Variants in BRD3 observed in about 807,000 individuals in gnomAD.
BRD3 encodes bromodomain-containing protein 3.
In BRD3, 17 loss-of-function variants were observed where a neutral mutation model predicts 66.8. The observed-to-expected ratio is 0.25, with a 90% CI of 0.17 to 0.38. The LOEUF (loss-of-function observed/expected upper bound fraction) is 0.38, where lower values mean the gene tolerates loss of function less well. Among genes scored for constraint, BRD3 ranks in the 10% least tolerant of loss-of-function variants. BRD3 has a pLI of 1.00. For missense variants in BRD3, 713 were observed against 956.1 expected, an observed-to-expected ratio of 0.75 and a Z score of 3.35; for synonymous variants, 421 against 393.2, an observed-to-expected ratio of 1.07 and a Z score of -0.84.
At chr9:134,041,045 G>A (rs2132396227) in intron 8 of BRD3, among the ~76,000 whole-genome samples, 1 of 152,306 alleles carries the variant, frequency 6.6e-6, no homozygotes, top group Non-Finnish European at 1.5e-5. Context: ...CCTGCTGTGT[G>A]TCCTTGCCAC....
rs777755860 is a variant in BRD3, at chr9:134,051,880, GTTT to G, written c.352-174_352-172del. ...GTGTGTGTGTGTGTGTGTGTGTGTT[GTTT>G]TTTTTGTTTTTTTTTTTTTTTTTTT... On this transcript the variant is annotated intron_variant, in intron 3 of 11. Coordinates refer to ENST00000303407, the MANE Select transcript of BRD3 (RefSeq NM_007371.4). Among the ~76,000 whole-genome samples, 23 of 113,662 alleles carry G rather than the reference GTTT, an allele frequency of 2.0e-4. 1 individual carries two copies. Among genetic ancestry groups the G allele is most frequent in the Non-Finnish European group, 2.8e-4 (16 of 56,386 alleles). 74.6% of individuals were successfully genotyped at this position (113,662 alleles called of 152,430 possible).
intron 6 of BRD3, 48 bp downstream of exon 6, chr9:134,048,035 A>C: frequency 6.7e-7 from 1 of 1,501,054 alleles, no homozygotes; most frequent in Non-Finnish European, 8.9e-7. Flanking sequence ...CACCCACGGC[A>C]GAGCCGCAGG....
chr9:134,059,057 GT>G (rs1564559945), intron 1 of BRD3, among the ~76,000 whole-genome samples: 1 of 152,240 alleles, frequency 6.6e-6, no homozygotes, highest in African/African-American at 2.4e-5. Flanking sequence ...GTATGGTGGC[GT>G]TGTGGTTACA....
rs776617780 is a variant in BRD3, at chr9:134,048,045, G to A, written c.1086+38C>T. The A allele has an allele frequency of 2.0e-6, 3 of 1,519,812 alleles. No homozygotes were observed. The South Asian group carries it at 3.9e-5, about 20-fold the overall frequency. 94.1% of individuals were successfully genotyped at this position (1,519,812 alleles called of 1,614,324 possible). A position where few individuals can be genotyped will look rare whatever the true frequency, so the allele number is the denominator to read the frequency against. On this transcript the variant is annotated intron_variant, in intron 6 of 11. Coordinates refer to ENST00000303407, the MANE Select transcript of BRD3 (RefSeq NM_007371.4). ...ATCAGCACCCACGGCAGAGCCGCAG[G>A]ACATGGGCAGAGCAGGGCCTGCCGC...
chr9:134,046,262 TG>T (rs1222180436), intron 6 of BRD3, among the ~76,000 whole-genome samples: 1 of 152,162 alleles, frequency 6.6e-6, no homozygotes, highest in Non-Finnish European at 1.5e-5. Flanking sequence ...AGGTGGCCAC[TG>T]GGAACACACT....
At position 134,051,863 on chromosome 9, in the gene BRD3, G is replaced by A. The variant is rs1191269422; in HGVS notation, c.352-154C>T. The stretch of plus-strand genomic sequence containing the variant: ...AATGAATATATGTGTGTGTGTGTGT[G>A]TGTGTGTGTGTGTGTTGTTTTTTTT... On this transcript the variant is annotated intron_variant, in intron 3 of 11. Transcript: ENST00000303407. 3.0e-3 allele frequency among the ~76,000 whole-genome samples: 338 copies of A among 112,860 alleles called. 10 individuals carry two copies. Among genetic ancestry groups the A allele is most frequent in the Middle Eastern group, 0.018 (4 of 224 alleles). 74.0% of individuals were successfully genotyped at this position (112,860 alleles called of 152,430 possible). A position where few individuals can be genotyped will look rare whatever the true frequency, so the allele number is the denominator to read the frequency against.
intron 1 of BRD3, among the ~76,000 whole-genome samples, chr9:134,065,369 G>A (rs1448700225): frequency 2.6e-5 from 4 of 151,944 alleles, no homozygotes; most frequent in African/African-American, 9.7e-5. Context: ...GGTTACAGTG[G>A]GCTGAGATCG....
At chr9:134,051,226 C>T (rs1830287034) in intron 4 of BRD3, among the ~76,000 whole-genome samples, 1 of 152,214 alleles carries the variant, frequency 6.6e-6, no homozygotes, top group Non-Finnish European at 1.5e-5. Context: ...GAACAGGCCC[C>T]ACGCGTCGTG....
In BRD3 at chr9:134,050,544, G is replaced by A; in HGVS notation, c.544C>T (p.Pro182Ser). The A allele has an allele frequency of 6.2e-7, 1 of 1,604,986 alleles. No individual in the cohort carries two copies. Among genetic ancestry groups the A allele is most frequent in the Non-Finnish European group, 8.5e-7 (1 of 1,176,706 alleles). Reference sequence around the variant, plus strand: ...ACGGTGGGGGGCACGCTCTGAAAGGGGGTCGCTGGGGAGACAGAGGACACG... The same window carrying A: ...ACGGTGGGGGGCACGCTCTGAAAGGAGGTCGCTGGGGAGACAGAGGACACG... ...AAVSSVSPAT[P>S]FQSVPPTVSQ... The change falls in exon 5 of 12, where the codon CCC becomes TCC. Residue 182 changes from proline to serine, a missense_variant. Physicochemically the swap from Pro to Ser is moderately conservative, Grantham distance 74. This residue lies in a region of BRD3 where 120 missense variants were observed against 122.8 expected (regional missense o/e 0.98). Transcript: ENST00000303407.
At position 134,040,207 on chromosome 9, in the gene BRD3, CTTCTTT is replaced by C. The variant is rs1164334482; in HGVS notation, c.1464_1469del (p.Lys491_Lys492del). On this transcript the variant is annotated inframe_deletion, in exon 9 of 12. Transcript: ENST00000303407. ...TCTCCTTCTCCTTCTTCTCCTTCTT[CTTCTTT>C]GGTTTGTTTACTGGGGCCTGAGACA... The C allele has an allele frequency of 6.3e-7, 1 of 1,583,428 alleles. No individual in the cohort carries two copies. Among genetic ancestry groups the C allele is most frequent in the Non-Finnish European group, 8.6e-7 (1 of 1,165,028 alleles).
At chr9:134,042,725 A>G in intron 7 of BRD3, among the ~76,000 whole-genome samples, 1 of 149,124 alleles carries the variant, frequency 6.7e-6, no homozygotes, top group Middle Eastern at 3.4e-3. Flanking sequence ...ATATATACAC[A>G]TATATATACA....
At chr9:134,055,614 C>T (rs747685092) in intron 1 of BRD3, among the ~76,000 whole-genome samples, 9 of 152,220 alleles carry the variant, frequency 5.9e-5, no homozygotes, top group Non-Finnish European at 1.2e-4. Flanking sequence ...CACGCAGCTC[C>T]GCTGAGACTG....
Position 134,055,269 on chromosome 9 carries a change from G to A in BRD3, c.-113-1679C>T, listed in dbSNP as rs912829860. 4.6e-5 allele frequency among the ~76,000 whole-genome samples: 7 copies of A among 152,336 alleles called. 1 individual carries two copies. The highest frequency in any genetic ancestry group is 3.3e-4 in the Admixed American group (5 of 15,306). On this transcript the variant is annotated intron_variant, in intron 1 of 11. Transcript: ENST00000303407. ...TAAAACCAAGTCGGATCAAGTCACC[G>A]GTCTGCTCAAAACCTCCCAGGGGCT...
At chr9:134,056,514 C>T (rs527248094) in intron 1 of BRD3, 2 of 152,408 alleles carry the variant, frequency 1.3e-5, no homozygotes, top group East Asian at 3.9e-4. Context: ...GATAAGTGGC[C>T]CTGCCTCCCC....
rs1447584134 is a variant in BRD3, at chr9:134,031,576, T to C, written c.*2014A>G. ...TATAAACAAAACTTAATTAAAAGTT[T>C]AACAAACTGGCTGAAAACTCACCAA... On this transcript the variant is annotated 3_prime_UTR_variant, in exon 12 of 12. Coordinates refer to ENST00000303407, the MANE Select transcript of BRD3 (RefSeq NM_007371.4). 9.6e-6 allele frequency: 2 copies of C among 208,318 alleles called. No homozygotes were observed. The highest frequency in any genetic ancestry group is 2.0e-5 in the Non-Finnish European group (2 of 102,500). The allele number at this position is 208,318 out of a possible 1,614,324, so 12.9% of individuals were successfully genotyped here.
chr9:134,048,584 C>A, intron 5 of BRD3, 130 bp from the exon 6 acceptor site: 1 of 1,377,016 alleles, frequency 7.3e-7, no homozygotes, highest in Non-Finnish European at 9.9e-7. Context: ...CACGGCCCCA[C>A]AGGAGAGGAC....
At chr9:134,048,531 G>A (rs1465976353) in intron 5 of BRD3, 77 bp from the exon 6 acceptor site, 28 of 1,579,638 alleles carry the variant, frequency 1.8e-5, no homozygotes, top group Non-Finnish European at 2.1e-5. Context: ...CGCGTTTCTG[G>A]GGCACTGTCT....
chr9:134,037,543 C>A (rs780108846), intron 9 of BRD3, among the ~76,000 whole-genome samples: 4 of 152,056 alleles, frequency 2.6e-5, no homozygotes, highest in Non-Finnish European at 5.9e-5. Context: ...TGCACTCCAG[C>A]CTAGGCAACA....
Position 134,033,019 on chromosome 9 carries a change from C to A in BRD3, c.*571G>T. On this transcript the variant is annotated 3_prime_UTR_variant, in exon 12 of 12. Coordinates refer to ENST00000303407, the MANE Select transcript of BRD3 (RefSeq NM_007371.4). This position sits in a 1 kb window ranked among gnomAD's most constrained non-coding sequence, Gnocchi z 5.1. ...CCGACCACCCCCCAAGGGCTCCACG[C>A]TCCGGGCTGGGGCTGCGATGACCCT... The A allele has an allele frequency of 2.5e-6, 1 of 398,056 alleles. No homozygotes were observed. Among genetic ancestry groups the A allele is most frequent in the Admixed American group, 4.4e-5 (1 of 22,706 alleles). The allele number at this position is 398,056 out of a possible 1,614,324, so 24.7% of individuals were successfully genotyped here.
Sources: allele counts gnomAD v4.1 joint callset (sites outside exome capture counted in the v4.1 genomes callset), GRCh38; gene constraint gnomAD v4.1.1; regional missense constraint gnomAD v4.1.1; non-coding constraint Gnocchi (gnomAD v3.1); transcripts MANE v1.5; gene names NCBI Gene and HGNC (gene_info 2026-07-23, HGNC 2026-07-21).